The following CRYBG3 variants were observed in gnomAD, a reference collection of about 807,000 sequenced individuals.
CRYBG3 encodes the protein very large A-kinase anchor protein.
CRYBG3 carries 127 observed loss-of-function variants against 244.2 expected under a neutral mutation model. That is an observed-to-expected ratio of 0.52 (90% CI 0.45 to 0.60). The LOEUF (loss-of-function observed/expected upper bound fraction) is 0.60. Ranked by LOEUF, CRYBG3 falls within the 20% of genes least tolerant of loss-of-function variation. CRYBG3 has a pLI of 0.00. For missense variants in CRYBG3, 3,325 were observed against 3,442.5 expected (o/e 0.97, Z 0.85); for synonymous variants, 1,132 against 1,195.8 (o/e 0.95, Z 1.10).
intron 1 of CRYBG3, among the ~76,000 whole-genome samples, chr3:97,827,069 C>T (rs944471066): frequency 1.3e-5 from 2 of 152,192 alleles, no homozygotes; most frequent in African/African-American, 4.8e-5. Flanking sequence ...GAAATGCTGC[C>T]CCTTGGTTCC....
At position 97,943,988 on chromosome 3, in the gene CRYBG3, C is replaced by T. The variant is rs1460785523; in HGVS notation, c.*674C>T. On this transcript the variant is annotated 3_prime_UTR_variant, in exon 22 of 22. Transcript: ENST00000389622. ...AACTAAAAAAGTACAAATAAATAAC[C>T]TATGGCCAAACTTGCACTGTTACGT... 6.6e-6 allele frequency: 1 copy of T among 151,922 alleles called. No individual in the cohort carries two copies. The allele number at this position is 151,922 out of a possible 1,614,324, so 9.4% of individuals were successfully genotyped here.
intron 3 of CRYBG3, among the ~76,000 whole-genome samples, chr3:97,868,283 C>G (rs1226758915): frequency 1.7e-5 from 2 of 117,046 alleles, no homozygotes; most frequent in East Asian, 4.6e-4. Context: ...GACTCCATCT[C>G]AAAAAAAAAA....
intron 2 of CRYBG3, among the ~76,000 whole-genome samples, chr3:97,849,840 G>A (rs1301615087): frequency 6.6e-6 from 1 of 152,150 alleles, no homozygotes. Flanking sequence ...CTGGCCCAGT[G>A]CTTTTGCTGA....
intron 2 of CRYBG3, among the ~76,000 whole-genome samples, chr3:97,857,458 G>C (rs2039083215): frequency 6.7e-6 from 1 of 149,710 alleles, no homozygotes; most frequent in South Asian, 2.1e-4. Flanking sequence ...CCAAAGTTGA[G>C]AGTGGGATTT....
intron 7 of CRYBG3, among the ~76,000 whole-genome samples, chr3:97,883,306 C>T (rs1203189703): frequency 6.6e-6 from 1 of 152,138 alleles, no homozygotes; most frequent in African/African-American, 2.4e-5. Flanking sequence ...CATTTGAGTG[C>T]TCACTCTATT....
chr3:97,918,220 A>C (rs149110096), intron 17 of CRYBG3, among the ~76,000 whole-genome samples: 1 of 152,172 alleles, frequency 6.6e-6, no homozygotes, highest in South Asian at 2.1e-4. Context: ...CAATGGTATA[A>C]TATTGAGAAG....
chr3:97,872,871 T>C lies in CRYBG3; in HGVS notation c.1677T>C (p.Thr559=), dbSNP rs1274984672. 9.8e-6 allele frequency: 15 copies of C among 1,533,618 alleles called. No homozygotes were observed. Among genetic ancestry groups the C allele is most frequent in the Non-Finnish European group, 2.6e-6 (3 of 1,146,290 alleles). Residue 559 remains threonine (T), a synonymous_variant, in exon 4 of 22, where the codon ACT becomes ACC. Coordinates refer to ENST00000389622, the MANE Select transcript of CRYBG3 (RefSeq NM_153605.4). The stretch of plus-strand genomic sequence containing the variant: ...AAATTGAGTCATTACCCAAAGATAC[T>C]GACCAATACTTTGAAACCAAAGCCA... ...EDKIESLPKD[T]DQYFETKAKK...
At chr3:97,850,030 C>G (rs2038961499) in intron 2 of CRYBG3, among the ~76,000 whole-genome samples, 1 of 152,088 alleles carries the variant, frequency 6.6e-6, no homozygotes, top group Non-Finnish European at 1.5e-5. Context: ...GTGATAAAGC[C>G]TGCTATTTCA....
At chr3:97,828,543 A>G (rs933357664) in intron 1 of CRYBG3, among the ~76,000 whole-genome samples, 4 of 151,674 alleles carry the variant, frequency 2.6e-5, no homozygotes, top group Non-Finnish European at 5.9e-5. Context: ...AAAAAAAAAA[A>G]AAGCCGGGCG....
Position 97,944,602 on chromosome 3 carries a change from C to T in CRYBG3, c.*1288C>T, listed in dbSNP as rs999048848. The T allele has an allele frequency of 1.3e-5, 2 of 152,116 alleles. No individual in the cohort carries two copies. The highest frequency in any genetic ancestry group is 3.9e-4 in the East Asian group (2 of 5,160). 9.4% of individuals were successfully genotyped at this position (152,116 alleles called of 1,614,324 possible). A position where few individuals can be genotyped will look rare whatever the true frequency, so the allele number is the denominator to read the frequency against. On this transcript the variant is annotated 3_prime_UTR_variant, in exon 22 of 22. Transcript: ENST00000389622. Reference sequence around the variant, plus strand: ...ACTTTAAATACTGGGTTTTTTTCCTCCTTCAATCTCAGGCTTTTCTCCATC... The same window carrying T: ...ACTTTAAATACTGGGTTTTTTTCCTTCTTCAATCTCAGGCTTTTCTCCATC...
intron 19 of CRYBG3, among the ~76,000 whole-genome samples, chr3:97,940,075 G>C (rs1022490120): frequency 4.6e-5 from 7 of 152,020 alleles, no homozygotes; most frequent in African/African-American, 1.7e-4. Flanking sequence ...TACTCAGCCA[G>C]GGTTCTAATT....
At chr3:97,902,085 T>C (rs564599889) in intron 15 of CRYBG3, among the ~76,000 whole-genome samples, 4 of 152,300 alleles carry the variant, frequency 2.6e-5, no homozygotes, top group African/African-American at 7.2e-5. Context: ...ACACGCTGGT[T>C]CCGTTCAATA....
chr3:97,862,403 G>T (rs962888956), intron 2 of CRYBG3, among the ~76,000 whole-genome samples: 2 of 151,936 alleles, frequency 1.3e-5, no homozygotes, highest in African/African-American at 4.8e-5. Flanking sequence ...CCTGTAGTTC[G>T]CTTTCTTCAA....
At chr3:97,942,773 T>C (rs2040259752) in intron 21 of CRYBG3, 1 of 228,430 alleles carries the variant, frequency 4.4e-6, no homozygotes, top group African/African-American at 2.3e-5. Flanking sequence ...TTGCCAGGAA[T>C]TGCCATGGTC....
Position 97,902,254 on chromosome 3 carries a change from A to G in CRYBG3, c.8004+1769A>G, listed in dbSNP as rs538313235. Among the ~76,000 whole-genome samples, 9 of 152,256 alleles carry G rather than the reference A, an allele frequency of 5.9e-5. 1 individual carries two copies. Among genetic ancestry groups the G allele is most frequent in the African/African-American group, 2.2e-4 (9 of 41,572 alleles). ...AATTTTTTTATGCTGGTGATTTTAA[A>G]GGGAACCTCAAGCAACCTAAGAGGG... On this transcript the variant is annotated intron_variant, in intron 15 of 21. Transcript: ENST00000389622.
Position 97,881,090 on chromosome 3 carries a change from A to C in CRYBG3, c.7023A>C (p.Lys2341Asn), listed in dbSNP as rs778435306. 6.3e-6 allele frequency: 10 copies of C among 1,594,186 alleles called. No individual in the cohort carries two copies. In the Admixed American group the frequency reaches 1.6e-4, roughly 26 times the overall value. The stretch of plus-strand genomic sequence containing the variant: ...TGTTTAGCTGGATTTTATATGAGAA[A>C]CCACATTTCCGAGGTCAGAAATGTG... ...VVRGCWILYE[K>N]PHFRGQKCVL... Residue 2341 changes from lysine (K) to asparagine (N), a missense_variant, in exon 7 of 22, where the codon AAA (lysine) becomes AAC (asparagine). Lys to Asn is a moderately conservative substitution (Grantham distance 94). Coordinates refer to ENST00000389622, the MANE Select transcript of CRYBG3 (RefSeq NM_153605.4).
At chr3:97,923,459 C>G (rs934422879) in intron 17 of CRYBG3, among the ~76,000 whole-genome samples, 1 of 152,026 alleles carries the variant, frequency 6.6e-6, no homozygotes, top group African/African-American at 2.4e-5. Context: ...CAAAAACTTA[C>G]AGTAAACATC....
In CRYBG3 at chr3:97,864,569, C is replaced by G. The variant is rs1347411142; in HGVS notation, c.569C>G (p.Ser190Cys). ...ACACATCCAACAGAAGAACAAGACTCTAACTCATCCGAACTCTCAGATGCT... is the reference window on the plus strand; with the variant it reads ...ACACATCCAACAGAAGAACAAGACTGTAACTCATCCGAACTCTCAGATGCT... ...TQTHPTEEQD[S>C]NSSELSDAFS... Residue 190 changes from serine to cysteine, a missense_variant, in exon 3 of 22, where the codon TCT becomes TGT. Physicochemically the swap from Ser to Cys is moderately radical, Grantham distance 112. Around this residue, in one of 4 missense-constraint regions of CRYBG3, gnomAD observed 1,526 missense variants for 1,443.2 expected, o/e 1.06. Coordinates refer to ENST00000389622, the MANE Select transcript of CRYBG3 (RefSeq NM_153605.4). 1.3e-6 allele frequency: 2 copies of G among 1,535,874 alleles called. No homozygotes were observed. Among genetic ancestry groups the G allele is most frequent in the Middle Eastern group, 1.7e-4 (1 of 5,990 alleles).
intron 2 of CRYBG3, among the ~76,000 whole-genome samples, chr3:97,848,134 A>C (rs529540681): frequency 6.6e-6 from 1 of 152,328 alleles, no homozygotes; most frequent in East Asian, 1.9e-4. Context: ...TTTTGATTTT[A>C]TGTAGCTCCT....
Sources: allele counts gnomAD v4.1 joint callset (sites outside exome capture counted in the v4.1 genomes callset), GRCh38; gene constraint gnomAD v4.1.1; regional missense constraint gnomAD v4.1.1; transcripts MANE v1.5; gene names NCBI Gene and HGNC (gene_info 2026-07-23, HGNC 2026-07-21).